The following ARL13B variants were observed in gnomAD, a reference collection of about 807,000 sequenced individuals.
The protein encoded by ARL13B is ARF like GTPase 13B.
ARL13B carries 36 observed loss-of-function variants against 56.1 expected under a neutral mutation model. That is an observed-to-expected ratio of 0.64 (90% CI 0.49 to 0.85). The LOEUF (loss-of-function observed/expected upper bound fraction) is 0.85. Ranked by LOEUF, ARL13B falls within the 40% of genes least tolerant of loss-of-function variation. ARL13B has a pLI of 0.00. For synonymous variants in ARL13B, 178 were observed against 171.1 expected, an observed-to-expected ratio of 1.04 and a Z score of -0.32; for missense variants, 519 against 507.1, an observed-to-expected ratio of 1.02 and a Z score of -0.23.
chr3:94,004,582 T>C lies in ARL13B; in HGVS notation c.380+674T>C, dbSNP rs185030008. 1.8e-4 allele frequency among the ~76,000 whole-genome samples: 27 copies of C among 152,082 alleles called. No homozygotes were observed. The East Asian group carries it at 5.0e-3, about 28-fold the overall frequency. On this transcript the variant is annotated intron_variant, in intron 3 of 9. Transcript: ENST00000394222. ...CTTGTAGTAAACTAAATATTTGCCC[T>C]TGCCGTCTTGTCCCTTTTCCCTTGT...
chr3:94,006,873 G>A (rs1411862713), intron 3 of ARL13B, among the ~76,000 whole-genome samples: 1 of 152,146 alleles, frequency 6.6e-6, no homozygotes. Context: ...CAGATCTGCT[G>A]TATAATAAGT....
intron 3 of ARL13B, among the ~76,000 whole-genome samples, chr3:94,025,257 C>A (rs1303419341): frequency 2.6e-5 from 4 of 151,016 alleles, no homozygotes; most frequent in African/African-American, 9.7e-5. Context: ...AAGCAAAAAA[C>A]AAAATATCCT....
At position 93,985,723 on chromosome 3, in the gene ARL13B, T is replaced by C. The variant is rs556415081; in HGVS notation, c.59+5241T>C. On this transcript the variant is annotated intron_variant, in intron 1 of 9. Transcript: ENST00000394222. Reference sequence around the variant, plus strand: ...TAAGTAGGTAACAAATCCTTGAAACTTCCTGCCCCCTATTCATCTCCCACC... The same window carrying C: ...TAAGTAGGTAACAAATCCTTGAAACCTCCTGCCCCCTATTCATCTCCCACC... 1.2e-4 allele frequency among the ~76,000 whole-genome samples: 18 copies of C among 152,324 alleles called. No homozygotes were observed. In the South Asian group the frequency reaches 3.5e-3, roughly 30 times the overall value.
intron 1 of ARL13B, among the ~76,000 whole-genome samples, chr3:93,987,482 C>T (rs1287594420): frequency 6.6e-6 from 1 of 151,964 alleles, no homozygotes; most frequent in African/African-American, 2.4e-5. Flanking sequence ...TAAAACAGAC[C>T]TTTGGATCCC....
chr3:94,023,673 G>A (rs1473104332), intron 3 of ARL13B, among the ~76,000 whole-genome samples: 3 of 152,070 alleles, frequency 2.0e-5, no homozygotes, highest in South Asian at 2.1e-4. Context: ...CAGATCCTAC[G>A]TTTAGACATA....
chr3:94,041,889 T>C (rs753736831), intron 6 of ARL13B, among the ~76,000 whole-genome samples: 6 of 152,108 alleles, frequency 3.9e-5, no homozygotes, highest in African/African-American at 1.2e-4. Flanking sequence ...TGAAACCCTG[T>C]CTCTGCTAAA....
At chr3:94,015,046 T>C (rs1461330327) in intron 3 of ARL13B, 3 of 1,613,950 alleles carry the variant, frequency 1.9e-6, no homozygotes, top group Non-Finnish European at 2.5e-6. Context: ...CAGACTTTTC[T>C]GTTGCTGCCC....
At chr3:94,034,566 C>T (rs1405133337) in intron 3 of ARL13B, among the ~76,000 whole-genome samples, 3 of 148,690 alleles carry the variant, frequency 2.0e-5, no homozygotes, top group Admixed American at 6.7e-5. Flanking sequence ...GGCCTTGGGT[C>T]TTCAGTAAAT....
intron 8 of ARL13B, 54 bp downstream of exon 8, chr3:94,049,576 GAAAAA>G: frequency 1.2e-6 from 1 of 800,088 alleles, no homozygotes; most frequent in Admixed American, 3.2e-5. Context: ...AAACAACAGA[GAAAAA>G]AAAAAAGAAA....
intron 2 of ARL13B, among the ~76,000 whole-genome samples, chr3:93,999,225 G>A (rs1303935750): frequency 1.3e-5 from 2 of 151,898 alleles, no homozygotes; most frequent in Non-Finnish European, 2.9e-5. Flanking sequence ...GTAGGCATGA[G>A]CCACTGAGCC....
chr3:94,040,548 G>A (rs1308137466), intron 6 of ARL13B, among the ~76,000 whole-genome samples: 6 of 152,014 alleles, frequency 3.9e-5, no homozygotes, highest in East Asian at 1.9e-4. Context: ...GTGTGTGTGC[G>A]CGTCTGTGTT....
chr3:93,988,333 G>A (rs1416229194), intron 1 of ARL13B, among the ~76,000 whole-genome samples: 1 of 151,478 alleles, frequency 6.6e-6, no homozygotes, highest in East Asian at 1.9e-4. Context: ...AGTATATTTT[G>A]TATTACAGTA....
At chr3:94,014,418 A>C in intron 3 of ARL13B, 1 of 1,574,422 alleles carries the variant, frequency 6.4e-7, no homozygotes, top group East Asian at 2.2e-5. Flanking sequence ...AGCACCAACA[A>C]CACAGTACTC....
chr3:93,990,082 G>T (rs2075843863), intron 1 of ARL13B, among the ~76,000 whole-genome samples: 1 of 152,104 alleles, frequency 6.6e-6, no homozygotes, highest in Non-Finnish European at 1.5e-5. Context: ...TCAGCTCACG[G>T]CAACCTCCAC....
intron 3 of ARL13B, among the ~76,000 whole-genome samples, chr3:94,007,195 T>G (rs2076149967): frequency 6.6e-6 from 1 of 152,198 alleles, no homozygotes; most frequent in African/African-American, 2.4e-5. Context: ...ACAAGACCTC[T>G]GAAAAGCTTC....
At position 94,051,915 on chromosome 3, in the gene ARL13B, A is replaced by G. The variant is rs534943287; in HGVS notation, c.1210+1023A>G. Among the ~76,000 whole-genome samples the G allele has an allele frequency of 3.3e-5, 5 of 152,024 alleles. No individual in the cohort carries two copies. In the South Asian group the frequency reaches 1.0e-3, roughly 32 times the overall value. On this transcript the variant is annotated intron_variant, in intron 9 of 9. Coordinates refer to ENST00000394222, the MANE Select transcript of ARL13B (RefSeq NM_001174150.2). ...TCTTGATAATCGTTAGTGAAAATTC[A>G]TGAATTTTTTTTTTTTTAAAGACAG... is the stretch of plus-strand genomic sequence containing the variant.
intron 5 of ARL13B, among the ~76,000 whole-genome samples, chr3:94,039,226 C>T (rs528941604): frequency 1.9e-4 from 29 of 152,072 alleles, no homozygotes; most frequent in East Asian, 9.7e-4. Context: ...TTTGGCTGGG[C>T]GCGGTGGCTC....
intron 1 of ARL13B, among the ~76,000 whole-genome samples, chr3:93,981,865 C>CAAAAAAAAAAAAAAA (rs11396818): frequency 2.9e-5 from 2 of 68,388 alleles, no homozygotes; most frequent in Admixed American, 2.1e-4. Context: ...AACCCTGTCT[C>CAAAAAAAAAAAAAAA]AAAAAAAAAA....
At chr3:94,015,765 A>G (rs771473484) in intron 3 of ARL13B, among the ~76,000 whole-genome samples, 16 of 152,180 alleles carry the variant, frequency 1.1e-4, no homozygotes, top group Non-Finnish European at 2.1e-4. Context: ...TACAGATTTT[A>G]TATGAGAACG....
Sources: allele counts gnomAD v4.1 joint callset (sites outside exome capture counted in the v4.1 genomes callset), GRCh38; gene constraint gnomAD v4.1.1; transcripts MANE v1.5; gene names NCBI Gene and HGNC (gene_info 2026-07-23, HGNC 2026-07-21).